Variants in ZNF114 observed in about 807,000 individuals in gnomAD.
The protein encoded by ZNF114 is zinc finger protein 114.
A neutral mutation model predicts 6.8 loss-of-function variants in ZNF114; 8 were observed. That is an observed-to-expected ratio of 1.18 (90% CI 0.69 to 2.13). ZNF114 has a LOEUF of 2.13. Among genes scored for constraint, ZNF114 ranks in the 30% most tolerant of loss-of-function variants. The pLI is 0.00. For synonymous variants in ZNF114, 169 were observed against 185.5 expected (o/e 0.91, Z 0.72); for missense variants, 472 against 519.5 (o/e 0.91, Z 0.89).
chr19:48,276,331 A>G (rs914598054), intron 3 of ZNF114, among the ~76,000 whole-genome samples: 7 of 151,856 alleles, frequency 4.6e-5, no homozygotes, highest in African/African-American at 1.7e-4. Context: ...TGCCTGCCTC[A>G]GCCTCCCAGA....
intron 1 of ZNF114, among the ~76,000 whole-genome samples, chr19:48,270,593 A>G: frequency 6.9e-6 from 1 of 145,562 alleles, no homozygotes; most frequent in African/African-American, 2.5e-5. Context: ...AGAAAGAAAG[A>G]GAAGAAAGAA....
chr19:48,283,660 T>C (rs1488415348), intron 5 of ZNF114, among the ~76,000 whole-genome samples: 3 of 152,024 alleles, frequency 2.0e-5, no homozygotes, highest in Non-Finnish European at 4.4e-5. Flanking sequence ...GAAAGTTGCA[T>C]GATTACATGG....
chr19:48,277,747 A>G (rs1341152444), intron 3 of ZNF114, among the ~76,000 whole-genome samples: 4 of 142,824 alleles, frequency 2.8e-5, no homozygotes, highest in Non-Finnish European at 6.0e-5. Context: ...CCTGCTTCTT[A>G]ATTCTTCTAA....
rs1330052475 is a variant in ZNF114, at chr19:48,277,794, G to GGGGTGTGTGTGT, written c.-69-1936_-69-1935insGGTGTGTGTGTG. ...GAATAGACTGACCAGGGAGGCATTG[G>GGGGTGTGTGTGT]GTGTGTGTGTGTGTGTGTGTGTGTG... On this transcript the variant is annotated intron_variant, in intron 3 of 5. Transcript: ENST00000595607. Among the ~76,000 whole-genome samples the GGGGTGTGTGTGT allele has an allele frequency of 5.7e-3, 684 of 119,396 alleles. 9 individuals carry two copies. The highest frequency in any genetic ancestry group is 7.1e-3 in the South Asian group (23 of 3,218). 78.3% of individuals were successfully genotyped at this position (119,396 alleles called of 152,430 possible). A position where few individuals can be genotyped will look rare whatever the true frequency, so the allele number is the denominator to read the frequency against.
At position 48,286,236 on chromosome 19, in the gene ZNF114, G is replaced by C. The variant is rs770703894; in HGVS notation, c.612G>C (p.Gln204His). ...ELKSSTWTGSQNTVHHIRDEI... is the reference protein window; with the variant it reads ...ELKSSTWTGSHNTVHHIRDEI... ...AATCAAGCACATGGACTGGCAGTCA[G>C]AACACTGTGCATCATATACGTGATG... is the stretch of plus-strand genomic sequence containing the variant. The change falls in exon 6 of 6, where the codon CAG (glutamine) becomes CAC (histidine). Residue 204 changes from glutamine to histidine, a missense_variant. Gln to His is a conservative substitution (Grantham distance 24). Coordinates refer to ENST00000595607, the MANE Select transcript of ZNF114 (RefSeq NM_153608.4). The C allele has an allele frequency of 1.1e-5, 18 of 1,614,066 alleles. No individual in the cohort carries two copies. Among genetic ancestry groups the C allele is most frequent in the Non-Finnish European group, 1.5e-5 (18 of 1,180,046 alleles).
rs754003803 is a variant in ZNF114 at position 48,286,064 on chromosome 19, G to A, written c.440G>A (p.Arg147Lys). The change falls in exon 6 of 6, where the codon AGA becomes AAA. Residue 147 changes from arginine (R) to lysine (K), a missense_variant. Coordinates refer to ENST00000595607, the MANE Select transcript of ZNF114 (RefSeq NM_153608.4). ...GTGCCTTCACAGGGAGATTCCATAA[G>A]ACAATGTATCCTAACACGTGACTCA... ...RLVPSQGDSI[R>K]QCILTRDSSI... The A allele has an allele frequency of 6.2e-7, 1 of 1,614,008 alleles. No homozygotes were observed. Among genetic ancestry groups the A allele is most frequent in the Admixed American group, 1.7e-5 (1 of 60,010 alleles).
intron 3 of ZNF114, among the ~76,000 whole-genome samples, chr19:48,275,233 AAGGGAGGG>A (rs1183081787): frequency 1.6e-5 from 2 of 124,790 alleles, no homozygotes; most frequent in Non-Finnish European, 3.3e-5. Context: ...GGAAGGAAGG[AAGGGAGGG>A]AGGGAGGGAG....
Position 48,285,844 on chromosome 19 carries a change from G to A in ZNF114, c.220G>A (p.Val74Met), listed in dbSNP as rs1968109398. Residue 74 changes from valine (V) to methionine (M), a missense_variant, in exon 6 of 6, where the codon GTG becomes ATG. By Grantham distance (21) the Val-to-Met change is conservative (BLOSUM62 1). Transcript: ENST00000595607. ...PKRTFPEANRVCLTSISSQHS... is the reference protein window; with the variant it reads ...PKRTFPEANRMCLTSISSQHS... ...AAGAACATTTCCTGAAGCCAACAGAGTGTGTCTCACGAGCATCAGTTCCCA... is the reference window on the plus strand; with the variant it reads ...AAGAACATTTCCTGAAGCCAACAGAATGTGTCTCACGAGCATCAGTTCCCA... The A allele has an allele frequency of 5.0e-6, 8 of 1,614,200 alleles. No individual in the cohort carries two copies. The highest frequency in any genetic ancestry group is 6.8e-6 in the Non-Finnish European group (8 of 1,180,044).
At chr19:48,282,528 G>A (rs758271599) in intron 5 of ZNF114, 31 bp downstream of exon 5, 145 of 1,594,894 alleles carry the variant, frequency 9.1e-5, no homozygotes, top group Non-Finnish European at 1.1e-4. Context: ...CACTTAGTCC[G>A]TGATGGGACC....
At chr19:48,282,206 A>C (rs1157893472) in intron 4 of ZNF114, 165 bp from the exon 5 acceptor site, 4 of 956,418 alleles carry the variant, frequency 4.2e-6, no homozygotes, top group Non-Finnish European at 6.1e-6. Flanking sequence ...CCACAACCTC[A>C]TCTTAATTCA....
In ZNF114 at chr19:48,272,585, A is replaced by C. The variant is rs914160545; in HGVS notation, c.-70+757A>C. On this transcript the variant is annotated intron_variant, in intron 3 of 5. Coordinates refer to ENST00000595607, the MANE Select transcript of ZNF114 (RefSeq NM_153608.4). Reference sequence around the variant, plus strand: ...GCTACTTGGGAGGCTGAGGCAGGAGAATCGCTTCTACCTGGGAGGTGAAGG... The same window carrying C: ...GCTACTTGGGAGGCTGAGGCAGGAGCATCGCTTCTACCTGGGAGGTGAAGG... Among the ~76,000 whole-genome samples the C allele has an allele frequency of 5.7e-5, 8 of 140,994 alleles. No individual in the cohort carries two copies. The South Asian group carries it at 1.6e-3, about 29-fold the overall frequency. 92.5% of individuals were successfully genotyped at this position (140,994 alleles called of 152,430 possible). A position where few individuals can be genotyped will look rare whatever the true frequency, so the allele number is the denominator to read the frequency against.
At chr19:48,279,571 G>T in intron 3 of ZNF114, among the ~76,000 whole-genome samples, 160 bp from the exon 4 acceptor site, 1 of 133,590 alleles carries the variant, frequency 7.5e-6, no homozygotes, top group Non-Finnish European at 1.6e-5. Context: ...GTGTGGGTGT[G>T]TGGGTGGGTG....
Position 48,282,505 on chromosome 19 carries a change from G to A in ZNF114, c.136+8G>A, listed in dbSNP as rs780244473. The A allele has an allele frequency of 7.3e-5, 118 of 1,607,374 alleles. No individual in the cohort carries two copies. The highest frequency in any genetic ancestry group is 9.3e-5 in the Non-Finnish European group (109 of 1,175,258). ...GGAACTTGGCATTCATAGGTAAGGA[G>A]GCCCCCTTCCTGCACTTAGTCCGTG... On this transcript the variant is annotated splice_region_variant and intron_variant, in intron 5 of 5. Transcript: ENST00000595607.
chr19:48,276,720 C>T (rs763978588), intron 3 of ZNF114, among the ~76,000 whole-genome samples: 1 of 152,092 alleles, frequency 6.6e-6, no homozygotes, highest in African/African-American at 2.4e-5. Context: ...GATGGGGCCT[C>T]GCTATGTTGC....
chr19:48,274,966 T>C (rs1967785742), intron 3 of ZNF114, among the ~76,000 whole-genome samples: 1 of 151,796 alleles, frequency 6.6e-6, no homozygotes, highest in African/African-American at 2.4e-5. Context: ...TTTGTGTGGT[T>C]GTTCCTTGTG....
intron 3 of ZNF114, among the ~76,000 whole-genome samples, chr19:48,272,471 G>C (rs1159322023): frequency 6.7e-6 from 1 of 149,144 alleles, no homozygotes; most frequent in Non-Finnish European, 1.5e-5. Flanking sequence ...GCGGGCGCCT[G>C]TGATCCTAGC....
At chr19:48,273,090 T>C (rs1967720471) in intron 3 of ZNF114, among the ~76,000 whole-genome samples, 1 of 152,180 alleles carries the variant, frequency 6.6e-6, no homozygotes, top group Non-Finnish European at 1.5e-5. Flanking sequence ...CCACAGCGCC[T>C]GGCCAGATAA....
At chr19:48,280,036 C>G (rs1967950237) in intron 4 of ZNF114, among the ~76,000 whole-genome samples, 1 of 152,118 alleles carries the variant, frequency 6.6e-6, no homozygotes, top group Non-Finnish European at 1.5e-5. Flanking sequence ...ACACCTCATC[C>G]TGGCTGCCAG....
In ZNF114 at chr19:48,272,792, C is replaced by CTTTT. The variant is rs1170280344; in HGVS notation, c.-70+982_-70+985dup. ...TGCACTGGTTTCTTACGAGAAAGAG[C>CTTTT]TTTTTTTTTTTTTTTTTTTTTGAGA... is the stretch of plus-strand genomic sequence containing the variant. On this transcript the variant is annotated intron_variant, in intron 3 of 5. Transcript: ENST00000595607. Among the ~76,000 whole-genome samples, 142 of 83,764 alleles carry CTTTT rather than the reference C, an allele frequency of 1.7e-3. 3 individuals carry two copies. The highest frequency in any genetic ancestry group is 3.3e-3 in the African/African-American group (66 of 20,028). The allele number at this position is 83,764 out of a possible 152,430, so 55.0% of individuals were successfully genotyped here. A position where few individuals can be genotyped will look rare whatever the true frequency, so the allele number is the denominator to read the frequency against.
Sources: allele counts gnomAD v4.1 joint callset (sites outside exome capture counted in the v4.1 genomes callset), GRCh38; gene constraint gnomAD v4.1.1; transcripts MANE v1.5; gene names NCBI Gene and HGNC (gene_info 2026-07-23, HGNC 2026-07-21).